The following CCDC7 variants were observed in gnomAD, a reference collection of about 807,000 sequenced individuals.
The protein encoded by CCDC7 is coiled-coil domain-containing protein 7.
A neutral mutation model predicts 196.9 loss-of-function variants in CCDC7; 183 were observed. The observed-to-expected ratio is 0.93, with a 90% CI of 0.82 to 1.05. The LOEUF is 1.05. Among genes scored for constraint, CCDC7 ranks in the 50% least tolerant of loss-of-function variants. The pLI, the probability that CCDC7 is intolerant of heterozygous loss-of-function variation, is 0.00. For missense variants in CCDC7, 1,540 were observed against 1,482.2 expected (o/e 1.04, Z -0.64); for synonymous variants, 525 against 484.6 (o/e 1.08, Z -1.10).
At chr10:32,852,692 G>A (rs570556069) in intron 40 of CCDC7, among the ~76,000 whole-genome samples, 1 of 151,858 alleles carries the variant, frequency 6.6e-6, no homozygotes, top group African/African-American at 2.4e-5. Flanking sequence ...ATCCATAAAG[G>A]TTCTAAGTAA....
intron 18 of CCDC7, among the ~76,000 whole-genome samples, chr10:32,601,877 T>A (rs577473366): frequency 3.7e-4 from 56 of 152,200 alleles, no homozygotes; most frequent in South Asian, 1.0e-3. Context: ...CTCTGTAAAA[T>A]GGACCAATCA....
intron 21 of CCDC7, among the ~76,000 whole-genome samples, chr10:32,669,448 A>T (rs1485163371): frequency 2.0e-5 from 3 of 152,068 alleles, no homozygotes; most frequent in African/African-American, 7.2e-5. Flanking sequence ...GAAACATTTG[A>T]GGGGCATTAG....
intron 11 of CCDC7, among the ~76,000 whole-genome samples, chr10:32,526,833 G>A (rs1266951958): frequency 6.6e-6 from 1 of 152,128 alleles, no homozygotes; most frequent in Non-Finnish European, 1.5e-5. Flanking sequence ...AAGCAGGAGG[G>A]AGTCACTTTC....
chr10:32,675,975 C>G (rs1342072314), intron 21 of CCDC7, among the ~76,000 whole-genome samples: 1 of 151,602 alleles, frequency 6.6e-6, no homozygotes, highest in Admixed American at 6.6e-5. Context: ...CGCTACCTGA[C>G]TTCCAACTAT....
chr10:32,859,922 T>C (rs147668757), intron 41 of CCDC7, among the ~76,000 whole-genome samples: 2,138 of 152,296 alleles, frequency 0.014, 19 homozygotes, highest in Non-Finnish European at 0.018. Flanking sequence ...CAGCAATTAA[T>C]AGCCTATTAA....
intron 9 of CCDC7, among the ~76,000 whole-genome samples, chr10:32,496,655 G>T (rs567174650): frequency 6.6e-6 from 1 of 152,154 alleles, no homozygotes; most frequent in Non-Finnish European, 1.5e-5. Context: ...TAATCATGTG[G>T]TTTTTGTCAT....
chr10:32,670,217 G>A (rs1386765635), intron 21 of CCDC7, among the ~76,000 whole-genome samples: 2 of 151,882 alleles, frequency 1.3e-5, no homozygotes, highest in Admixed American at 6.6e-5. Flanking sequence ...TGTTTTAATA[G>A]TCCTTGTCTG....
chr10:32,755,445 A>G (rs372851131), intron 28 of CCDC7, among the ~76,000 whole-genome samples: 4 of 152,190 alleles, frequency 2.6e-5, no homozygotes, highest in African/African-American at 7.2e-5. Context: ...AGGGAGTAAC[A>G]TTTGCTGTTC....
At chr10:32,738,487 T>TTTTTTTTTG in intron 28 of CCDC7, among the ~76,000 whole-genome samples, 1 of 149,182 alleles carries the variant, frequency 6.7e-6, no homozygotes, top group Non-Finnish European at 1.5e-5. Flanking sequence ...TTTTTTTTTT[T>TTTTTTTTTG]TTTTTTTGAC....
chr10:32,583,133 A>G (rs1001554697), exon 17 of CCDC7: 1 of 1,231,548 alleles, frequency 8.1e-7, no homozygotes, highest in Non-Finnish European at 1.0e-6. Context: ...ATGAAGTTTC[A>G]GTTGCTGAAA....
chr10:32,517,625 G>C (rs1384477033), intron 9 of CCDC7, among the ~76,000 whole-genome samples: 5 of 107,324 alleles, frequency 4.7e-5, no homozygotes, highest in Non-Finnish European at 9.3e-5. Context: ...TTATGGGGTG[G>C]GGGGAGGGGG....
chr10:32,653,730 C>A (rs536341993), intron 20 of CCDC7, among the ~76,000 whole-genome samples: 1 of 152,182 alleles, frequency 6.6e-6, no homozygotes, highest in South Asian at 2.1e-4. Flanking sequence ...ACTCAAAAGC[C>A]CATCTCAAAT....
intron 18 of CCDC7, among the ~76,000 whole-genome samples, chr10:32,627,048 G>A (rs1397591767): frequency 7.4e-6 from 1 of 135,262 alleles, no homozygotes; most frequent in African/African-American, 2.7e-5. Flanking sequence ...TTTTTTTTTT[G>A]TGGTTCCATA....
At chr10:32,517,674 C>T (rs1307387908) in intron 9 of CCDC7, among the ~76,000 whole-genome samples, 7 of 149,468 alleles carry the variant, frequency 4.7e-5, no homozygotes, top group African/African-American at 7.4e-5. Flanking sequence ...TGCTAAATGA[C>T]GAGTTAATGG....
intron 21 of CCDC7, among the ~76,000 whole-genome samples, chr10:32,666,280 C>G (rs554835819): frequency 5.9e-5 from 9 of 151,842 alleles, no homozygotes; most frequent in African/African-American, 2.2e-4. Flanking sequence ...AAATAGCTAT[C>G]ATTTACTGAA....
intron 28 of CCDC7, among the ~76,000 whole-genome samples, chr10:32,745,238 A>G (rs2074516612): frequency 6.6e-6 from 1 of 152,204 alleles, no homozygotes; most frequent in South Asian, 2.1e-4. Context: ...TAAGTCAGTC[A>G]TCTAACTTGG....
intron 18 of CCDC7, among the ~76,000 whole-genome samples, chr10:32,588,385 A>G (rs532197969): frequency 3.3e-3 from 17 of 5,102 alleles, no homozygotes; most frequent in African/African-American, 3.7e-3. Context: ...ATTTTGTCAC[A>G]TGCATTTTTT....
At chr10:32,668,386 G>T (rs963362036) in intron 21 of CCDC7, among the ~76,000 whole-genome samples, 3 of 152,116 alleles carry the variant, frequency 2.0e-5, no homozygotes, top group South Asian at 2.1e-4. Context: ...GATTGCCCTG[G>T]CCAGAACTTC....
At chr10:32,640,384 T>G (rs1232312615) in intron 20 of CCDC7, among the ~76,000 whole-genome samples, 1 of 152,218 alleles carries the variant, frequency 6.6e-6, no homozygotes, top group Non-Finnish European at 1.5e-5. Context: ...CATCCCTTTA[T>G]TTTGAGCCTA....
Sources: allele counts gnomAD v4.1 joint callset (sites outside exome capture counted in the v4.1 genomes callset), GRCh38; gene constraint gnomAD v4.1.1; transcripts MANE v1.5; gene names NCBI Gene and HGNC (gene_info 2026-07-23, HGNC 2026-07-21).